The following CALN1 variants were observed in gnomAD, a reference collection of about 807,000 sequenced individuals.
The protein encoded by CALN1 is calneuron 1.
CALN1 carries 17 observed loss-of-function variants against 30.6 expected under a neutral mutation model. The observed-to-expected ratio is 0.56, with a 90% CI of 0.38 to 0.83. CALN1 has a LOEUF of 0.83. CALN1 is among the 40% of genes least tolerant of loss of function. CALN1 has a pLI of 0.00. For synonymous variants in CALN1, 156 were observed against 131.4 expected (o/e 1.19, Z -1.28); for missense variants, 291 against 354.9 (o/e 0.82, Z 1.45).
chr7:72,410,101 A>C (rs146599229), intron 1 of CALN1, among the ~76,000 whole-genome samples: 1 of 152,268 alleles, frequency 6.6e-6, no homozygotes, highest in African/African-American at 2.4e-5. Flanking sequence ...ATGGTGTGTA[A>C]TGGGGTACGA....
intron 4 of CALN1, 29 bp from the exon 5 acceptor site, chr7:72,023,798 G>T (rs371871784): frequency 6.4e-7 from 1 of 1,569,206 alleles, no homozygotes; most frequent in Non-Finnish European, 8.8e-7. Context: ...AATATGAGTT[G>T]CAAACAAGCT....
intron 1 of CALN1, among the ~76,000 whole-genome samples, chr7:72,446,667 C>G (rs866368611): frequency 1.4e-4 from 22 of 152,112 alleles, no homozygotes; most frequent in African/African-American, 5.1e-4. Flanking sequence ...ACAGGCAAGT[C>G]GAGTCAGGGT....
chr7:72,349,919 G>T (rs889453229), intron 2 of CALN1, among the ~76,000 whole-genome samples: 21 of 152,064 alleles, frequency 1.4e-4, no homozygotes, highest in Admixed American at 1.3e-3. Context: ...CTCTTCCTTT[G>T]CAGATGCTCT....
upstream of CALN1, among the ~76,000 whole-genome samples, chr7:72,450,861 AAAAT>A (rs1554410244): frequency 7.0e-6 from 1 of 143,116 alleles, no homozygotes; most frequent in Non-Finnish European, 1.5e-5. Context: ...AAACAAAAAT[AAAAT>A]AAAGCCCTAA....
intron 5 of CALN1, among the ~76,000 whole-genome samples, chr7:71,906,592 G>A (rs1201482651): frequency 1.3e-5 from 2 of 152,092 alleles, no homozygotes; most frequent in Non-Finnish European, 1.5e-5. Context: ...ACCGATGGTG[G>A]TACCACTTGT....
intron 3 of CALN1, among the ~76,000 whole-genome samples, chr7:72,134,439 A>G (rs1411700688): frequency 6.6e-6 from 1 of 152,210 alleles, no homozygotes; most frequent in Non-Finnish European, 1.5e-5. Flanking sequence ...CACACCTCAA[A>G]GATATTGCAG....
At chr7:72,230,342 T>TAAAAAAAAAAAAAAAAAAAAAAA in intron 3 of CALN1, among the ~76,000 whole-genome samples, 1 of 124,860 alleles carries the variant, frequency 8.0e-6, no homozygotes, top group Non-Finnish European at 1.6e-5. Context: ...CAATAGATAC[T>TAAAAAAAAAAAAAAAAAAAAAAA]AAAAAAAAAA....
intron 5 of CALN1, among the ~76,000 whole-genome samples, chr7:72,016,417 G>T (rs1477871613): frequency 1.3e-5 from 2 of 151,666 alleles, no homozygotes; most frequent in South Asian, 2.1e-4. Context: ...CATGGGTCAA[G>T]AATTTTATTT....
intron 1 of CALN1, among the ~76,000 whole-genome samples, chr7:72,433,945 C>A (rs1306530846): frequency 2.0e-5 from 3 of 151,826 alleles, no homozygotes; most frequent in African/African-American, 4.8e-5. Context: ...CCTGTAGTCT[C>A]AGCTACTCGG....
intron 3 of CALN1, among the ~76,000 whole-genome samples, chr7:72,127,169 C>G (rs1191643349): frequency 6.6e-6 from 1 of 151,698 alleles, no homozygotes; most frequent in Non-Finnish European, 1.5e-5. Flanking sequence ...GACATCTGAG[C>G]AAAGACTTGA....
intron 4 of CALN1, among the ~76,000 whole-genome samples, chr7:72,076,203 T>C (rs1165079495): frequency 1.3e-5 from 2 of 151,642 alleles, no homozygotes; most frequent in South Asian, 2.1e-4. Flanking sequence ...ACCTAGATCA[T>C]GGGTTGATAG....
chr7:72,407,082 C>A (rs1333405304), intron 1 of CALN1, among the ~76,000 whole-genome samples: 1 of 152,164 alleles, frequency 6.6e-6, no homozygotes, highest in Non-Finnish European at 1.5e-5. Context: ...TACTCTATCA[C>A]CTGCATCACT....
chr7:72,205,553 T>TATATATATACATATATAC (rs1791784570), intron 3 of CALN1, among the ~76,000 whole-genome samples: 1 of 56,388 alleles, frequency 1.8e-5, no homozygotes, highest in African/African-American at 1.5e-4. Context: ...AAAAAAAAAA[T>TATATATATACATATATAC]ATATATATAT....
intron 5 of CALN1, among the ~76,000 whole-genome samples, chr7:71,865,203 G>T (rs1213969723): frequency 6.6e-6 from 1 of 152,156 alleles, no homozygotes; most frequent in Non-Finnish European, 1.5e-5. Flanking sequence ...GAGATACTTG[G>T]ATCGTGGGGG....
At chr7:72,201,974 T>A (rs1425810106) in intron 3 of CALN1, among the ~76,000 whole-genome samples, 1 of 152,106 alleles carries the variant, frequency 6.6e-6, no homozygotes, top group African/African-American at 2.4e-5. Context: ...GACATGGAGA[T>A]GCGTAAAACC....
At chr7:72,113,362 C>T (rs915513012) in intron 3 of CALN1, among the ~76,000 whole-genome samples, 7 of 152,186 alleles carry the variant, frequency 4.6e-5, no homozygotes, top group Non-Finnish European at 7.3e-5. Context: ...CCTTTCTCCA[C>T]GGGTAGAAGC....
At position 72,384,141 on chromosome 7, in the gene CALN1, T is replaced by C. The variant is rs1805069310; in HGVS notation, c.119+19110A>G. Among the ~76,000 whole-genome samples, 4 of 152,332 alleles carry C rather than the reference T, an allele frequency of 2.6e-5. 1 individual carries two copies. Among genetic ancestry groups the C allele is most frequent in the Admixed American group, 2.0e-4 (3 of 15,296 alleles). On this transcript the variant is annotated intron_variant, in intron 2 of 6. Coordinates refer to ENST00000395275, the MANE Select transcript of CALN1 (RefSeq NM_031468.4). Reference sequence around the variant, plus strand: ...AGGAGGCGGCAAAATGCTTTCTCCATTACTGGCAGGGGACATTTTTGCAGA... The same window carrying C: ...AGGAGGCGGCAAAATGCTTTCTCCACTACTGGCAGGGGACATTTTTGCAGA...
At chr7:72,304,999 A>AC (rs1286076546) in intron 2 of CALN1, among the ~76,000 whole-genome samples, 1 of 152,208 alleles carries the variant, frequency 6.6e-6, no homozygotes, top group African/African-American at 2.4e-5. Context: ...CTCAGACAGG[A>AC]CCAAGGCTGC....
the CALN1 span, among the ~76,000 whole-genome samples, chr7:72,494,686 C>T: frequency 6.7e-6 from 1 of 149,028 alleles, no homozygotes; most frequent in Non-Finnish European, 1.5e-5. Flanking sequence ...TAGCGAGACC[C>T]CATCTCTACA....
Sources: allele counts gnomAD v4.1 joint callset (sites outside exome capture counted in the v4.1 genomes callset), GRCh38; gene constraint gnomAD v4.1.1; transcripts MANE v1.5; gene names NCBI Gene and HGNC (gene_info 2026-07-23, HGNC 2026-07-21).